GPC6: variants seen among roughly 807,000 people sequenced by gnomAD.
GPC6 encodes glypican 6, also known as glypican-6.
Under a neutral mutation model 55.2 loss-of-function variants are expected in GPC6, and 14 were observed. The observed-to-expected ratio is 0.25, with a 90% CI of 0.17 to 0.40. GPC6 has a LOEUF of 0.40. Among genes scored for constraint, GPC6 ranks in the 10% least tolerant of loss-of-function variants. The pLI, the probability that GPC6 is intolerant of heterozygous loss-of-function variation, is 1.00. For synonymous variants in GPC6, 278 were observed against 259.6 expected, an observed-to-expected ratio of 1.07 and a Z score of -0.68; for missense variants, 641 against 708.5, an observed-to-expected ratio of 0.90 and a Z score of 1.08.
intron 3 of GPC6, among the ~76,000 whole-genome samples, chr13:93,959,989 C>T (rs1333453105): frequency 6.6e-6 from 1 of 152,138 alleles, no homozygotes; most frequent in Non-Finnish European, 1.5e-5. Flanking sequence ...TTTATCTAGC[C>T]TCATGAGGGA....
At chr13:93,688,451 C>T (rs376117561) in intron 2 of GPC6, among the ~76,000 whole-genome samples, 1 of 152,016 alleles carries the variant, frequency 6.6e-6, no homozygotes, top group South Asian at 2.1e-4. Flanking sequence ...AAAAGCAGAG[C>T]GTTAGATATG....
At chr13:93,855,769 T>A (rs967830533) in intron 3 of GPC6, among the ~76,000 whole-genome samples, 9 of 151,776 alleles carry the variant, frequency 5.9e-5, no homozygotes, top group African/African-American at 9.7e-5. Context: ...TGATGACATA[T>A]GATGTGGAGC....
chr13:93,268,176 T>C (rs573110908), intron 1 of GPC6, among the ~76,000 whole-genome samples: 1 of 152,332 alleles, frequency 6.6e-6, no homozygotes, highest in South Asian at 2.1e-4. Flanking sequence ...GAGAGGATTA[T>C]TTGCAAAATA....
chr13:94,287,934 G>A (rs1218472712), intron 5 of GPC6, among the ~76,000 whole-genome samples: 1 of 152,170 alleles, frequency 6.6e-6, no homozygotes, highest in Non-Finnish European at 1.5e-5. Context: ...CAACTTCTTA[G>A]AAGTAGGTGT....
chr13:93,774,649 A>C (rs139177580), intron 2 of GPC6, among the ~76,000 whole-genome samples: 1,735 of 152,326 alleles, frequency 0.011, 15 homozygotes, highest in Non-Finnish European at 0.016. Context: ...TAAATAAGTT[A>C]ACACAAAGGC....
intron 1 of GPC6, among the ~76,000 whole-genome samples, chr13:93,271,038 A>G (rs190259535): frequency 1.3e-5 from 2 of 152,312 alleles, no homozygotes; most frequent in African/African-American, 4.8e-5. Context: ...CTGGGCAAAA[A>G]GCAGAAGAGA....
intron 1 of GPC6, among the ~76,000 whole-genome samples, chr13:93,339,036 G>T (rs1228531484): frequency 6.6e-6 from 1 of 152,104 alleles, no homozygotes; most frequent in East Asian, 1.9e-4. Flanking sequence ...CTCTAATCTT[G>T]AACGTTTCCA....
At chr13:93,356,755 G>A (rs1411584992) in intron 1 of GPC6, among the ~76,000 whole-genome samples, 2 of 152,146 alleles carry the variant, frequency 1.3e-5, no homozygotes, top group Non-Finnish European at 2.9e-5. Flanking sequence ...TTTTCAGAAA[G>A]AACTAGAAAA....
intron 3 of GPC6, among the ~76,000 whole-genome samples, chr13:93,884,501 A>G (rs1055811763): frequency 1.3e-4 from 20 of 152,098 alleles, no homozygotes; most frequent in African/African-American, 4.6e-4. Context: ...TATTTACATC[A>G]TAACTTTACT....
chr13:94,061,097 A>G (rs1884306519), intron 4 of GPC6, among the ~76,000 whole-genome samples: 1 of 152,226 alleles, frequency 6.6e-6, no homozygotes, highest in Non-Finnish European at 1.5e-5. Flanking sequence ...ATATGTAAGC[A>G]ATGGAGCATA....
chr13:93,463,443 T>C (rs752410756), intron 1 of GPC6, among the ~76,000 whole-genome samples: 5 of 152,174 alleles, frequency 3.3e-5, no homozygotes, highest in African/African-American at 7.2e-5. Flanking sequence ...TGGTTTCAAT[T>C]TGGATGTGAA....
At chr13:93,595,982 C>G (rs1022291328) in intron 2 of GPC6, among the ~76,000 whole-genome samples, 2 of 152,146 alleles carry the variant, frequency 1.3e-5, no homozygotes, top group Non-Finnish European at 2.9e-5. Context: ...TAGCATAAAT[C>G]TTTTGGAAAC....
At chr13:94,103,467 C>G (rs191055787) in intron 4 of GPC6, among the ~76,000 whole-genome samples, 1 of 152,320 alleles carries the variant, frequency 6.6e-6, no homozygotes, top group Admixed American at 6.5e-5. Flanking sequence ...GCCACACTGT[C>G]TTCCACAATA....
chr13:94,144,562 TGTGTG>T (rs1331476140), intron 4 of GPC6, among the ~76,000 whole-genome samples: 1 of 149,714 alleles, frequency 6.7e-6, no homozygotes, highest in East Asian at 2.0e-4. Context: ...TGTGTGTGTG[TGTGTG>T]TGTGTGTATA....
intron 6 of GPC6, among the ~76,000 whole-genome samples, chr13:94,368,283 GTCT>G (rs1879376002): frequency 6.6e-6 from 1 of 151,988 alleles, no homozygotes; most frequent in East Asian, 1.9e-4. Context: ...GTTGAATAGT[GTCT>G]TGAGGGCTCT....
chr13:93,920,700 C>A (rs538484034), intron 3 of GPC6, among the ~76,000 whole-genome samples: 8 of 152,294 alleles, frequency 5.3e-5, no homozygotes, highest in African/African-American at 1.9e-4. Context: ...TCGTCTTCCC[C>A]AGTGCCAGCC....
At chr13:94,400,900 C>T (rs944283851) in intron 8 of GPC6, among the ~76,000 whole-genome samples, 7 of 152,154 alleles carry the variant, frequency 4.6e-5, no homozygotes, top group South Asian at 2.1e-4. Context: ...CTCATTTTTA[C>T]GGGTGAGGAA....
intron 2 of GPC6, among the ~76,000 whole-genome samples, chr13:93,616,468 A>G: frequency 6.6e-6 from 1 of 152,114 alleles, no homozygotes; most frequent in East Asian, 1.9e-4. Context: ...CATTCGGGGT[A>G]AAACACATCT....
chr13:94,118,549 A>T (rs1387244184), intron 4 of GPC6, among the ~76,000 whole-genome samples: 1 of 152,042 alleles, frequency 6.6e-6, no homozygotes, highest in Non-Finnish European at 1.5e-5. Flanking sequence ...ATTTCATGTG[A>T]ACATATGGCG....
Sources: gnomAD v4.1 joint callset for allele counts (sites outside exome capture counted in the v4.1 genomes callset) on GRCh38, gnomAD v4.1.1 for gene constraint, MANE v1.5 for transcripts, NCBI Gene and HGNC (gene_info 2026-07-23, HGNC 2026-07-21) for gene names.